The following DARS1 variants were observed in gnomAD, a reference collection of about 807,000 sequenced individuals.
The protein encoded by DARS1 is aspartate--tRNA ligase, cytoplasmic.
A neutral mutation model predicts 68.8 loss-of-function variants in DARS1; 51 were observed. That is an observed-to-expected ratio of 0.74 (90% CI 0.59 to 0.94). The LOEUF (loss-of-function observed/expected upper bound fraction) is 0.94, where lower values mean the gene tolerates loss of function less well. DARS1 is among the 40% of genes least tolerant of loss of function. The probability of loss-of-function intolerance (pLI) is 0.00; values close to 1 mark genes in which losing one functional copy is unlikely to be tolerated. For missense variants in DARS1, 607 were observed against 597.3 expected (o/e 1.02, Z -0.17); for synonymous variants, 203 against 190.4 (o/e 1.07, Z -0.55).
chr2:135,971,668 C>T (rs1682372830), intron 3 of DARS1, among the ~76,000 whole-genome samples: 1 of 151,980 alleles, frequency 6.6e-6, no homozygotes, highest in African/African-American at 2.4e-5. Context: ...TTTGTGGATG[C>T]TATGATCTTA....
At chr2:135,967,243 A>C (rs983049894) in intron 3 of DARS1, among the ~76,000 whole-genome samples, 1 of 152,232 alleles carries the variant, frequency 6.6e-6, no homozygotes, top group African/African-American at 2.4e-5. Flanking sequence ...TTAGGGATTA[A>C]AACAACAAAG....
At chr2:135,935,223 T>C (rs192172862) in intron 5 of DARS1, among the ~76,000 whole-genome samples, 54 of 152,262 alleles carry the variant, frequency 3.5e-4, no homozygotes, top group African/African-American at 1.3e-3. Flanking sequence ...TCTCTCTCAT[T>C]AAACATGTTA....
intron 4 of DARS1, 126 bp from the exon 5 acceptor site, chr2:135,943,606 G>A: frequency 2.8e-6 from 4 of 1,415,468 alleles, no homozygotes; most frequent in Non-Finnish European, 3.7e-6. Context: ...TTGAGATAAA[G>A]CCAGTCTATT....
chr2:135,982,611 A>AG (rs1040461528), intron 2 of DARS1, among the ~76,000 whole-genome samples: 16 of 151,884 alleles, frequency 1.1e-4, no homozygotes, highest in African/African-American at 3.9e-4. Flanking sequence ...AAAAAAAAAA[A>AG]GAAATATAAA....
At chr2:135,914,946 G>T (rs1471251325) in intron 11 of DARS1, 1 of 152,736 alleles carries the variant, frequency 6.5e-6, no homozygotes. Context: ...ATATAAACAC[G>T]TTACATTTCT....
At chr2:135,982,469 G>A (rs893708070) in intron 2 of DARS1, among the ~76,000 whole-genome samples, 4 of 151,902 alleles carry the variant, frequency 2.6e-5, no homozygotes, top group Non-Finnish European at 2.9e-5. Flanking sequence ...GGCGGTGTGC[G>A]CCTGTAGTCC....
rs969795665 is a variant in DARS1 at position 135,916,257 on chromosome 2, C to T, written c.1075G>A (p.Gly359Arg). The T allele has an allele frequency of 6.3e-7, 1 of 1,598,956 alleles. No homozygotes were observed. Among genetic ancestry groups the T allele is most frequent in the Non-Finnish European group, 8.6e-7 (1 of 1,166,350 alleles). ...CEALAMLREAGVEMGDEDDLS... is the reference protein window; with the variant it reads ...CEALAMLREARVEMGDEDDLS... ...TCGTCTTCATCTCCCATTTCGACTCCAGCTTCCCTAAGCATAGCCAATGCT... is the reference window on the plus strand; with the variant it reads ...TCGTCTTCATCTCCCATTTCGACTCTAGCTTCCCTAAGCATAGCCAATGCT... Residue 359 changes from glycine (G) to arginine (R), a missense_variant, in exon 11 of 16, where the codon GGA becomes AGA. Gly to Arg is a moderately radical substitution (Grantham distance 125). Transcript: ENST00000264161.
At chr2:135,946,388 T>C (rs1326527502) in intron 4 of DARS1, among the ~76,000 whole-genome samples, 2 of 152,202 alleles carry the variant, frequency 1.3e-5, no homozygotes, top group African/African-American at 4.8e-5. Flanking sequence ...ATAGGTGATA[T>C]GTAACCTTCT....
At chr2:135,985,366 G>T (rs770191951) in intron 1 of DARS1, 37 bp downstream of exon 1, 1 of 1,609,504 alleles carries the variant, frequency 6.2e-7, no homozygotes. Context: ...CGGCCCAGGG[G>T]TCTGTCCTCC....
At chr2:135,980,849 G>C (rs1226311255) in intron 2 of DARS1, among the ~76,000 whole-genome samples, 1 of 152,236 alleles carries the variant, frequency 6.6e-6, no homozygotes, top group East Asian at 1.9e-4. Flanking sequence ...AGAAGAAAAA[G>C]GGTAATGGCT....
intron 3 of DARS1, among the ~76,000 whole-genome samples, chr2:135,978,154 A>AG (rs2104848211): frequency 6.6e-6 from 1 of 150,982 alleles, no homozygotes; most frequent in East Asian, 1.9e-4. Flanking sequence ...AAAAAAAAAA[A>AG]AAAAAAAAAA....
In DARS1 at chr2:135,974,803, C is replaced by T. The variant is rs536248311; in HGVS notation, c.217+4471G>A. Among the ~76,000 whole-genome samples the T allele has an allele frequency of 2.0e-5, 3 of 152,222 alleles. No homozygotes were observed. The East Asian group carries it at 5.8e-4, about 29-fold the overall frequency. ...TAATGCCTCTCTTCGCCTCAAAAAA[C>T]TGAAATGCAAACAGACTTGGAGAAA... is the stretch of plus-strand genomic sequence containing the variant. On this transcript the variant is annotated intron_variant, in intron 3 of 15. Coordinates refer to ENST00000264161, the MANE Select transcript of DARS1 (RefSeq NM_001349.4).
chr2:135,939,433 C>T (rs569842276), intron 5 of DARS1, among the ~76,000 whole-genome samples: 6 of 152,200 alleles, frequency 3.9e-5, no homozygotes, highest in Admixed American at 2.6e-4. Context: ...GAAATGAAGG[C>T]GGAAATAAAG....
chr2:135,965,712 C>G (rs928949551), intron 3 of DARS1, among the ~76,000 whole-genome samples: 2 of 152,150 alleles, frequency 1.3e-5, no homozygotes, highest in Non-Finnish European at 2.9e-5. Flanking sequence ...ATCTTTGACT[C>G]AATAAATACA....
chr2:135,907,830 T>TC (rs1173027148), intron 15 of DARS1, among the ~76,000 whole-genome samples: 1 of 152,210 alleles, frequency 6.6e-6, no homozygotes, highest in Admixed American at 6.5e-5. Context: ...AATTTACTGT[T>TC]AATTTTATAG....
intron 3 of DARS1, 135 bp downstream of exon 3, chr2:135,979,139 A>T: frequency 1.6e-6 from 1 of 620,772 alleles, no homozygotes; most frequent in Non-Finnish European, 2.9e-6. Context: ...TTAATACTTT[A>T]CAGTGACTTT....
chr2:135,906,055 T>G lies in DARS1; in HGVS notation c.*1261A>C, dbSNP rs1218303578. 2.0e-5 allele frequency among the ~76,000 whole-genome samples: 3 copies of G among 152,196 alleles called. No homozygotes were observed. The highest frequency in any genetic ancestry group is 6.5e-5 in the Admixed American group (1 of 15,282). ...AAATACTTTTGGGGTGCCTTCTATA[T>G]TTAAGGTATTCTGGTAGGATATGAA... On this transcript the variant is annotated 3_prime_UTR_variant, in exon 16 of 16. Transcript: ENST00000264161.
chr2:135,949,447 G>A (rs924141397), intron 4 of DARS1, among the ~76,000 whole-genome samples: 5 of 152,046 alleles, frequency 3.3e-5, no homozygotes, highest in African/African-American at 1.2e-4. Context: ...AAAGAATAAA[G>A]GGATAATATC....
intron 4 of DARS1, among the ~76,000 whole-genome samples, chr2:135,945,396 G>A (rs1681698564): frequency 6.6e-6 from 1 of 152,168 alleles, no homozygotes; most frequent in African/African-American, 2.4e-5. Flanking sequence ...CCAAACTGCT[G>A]GGATTACAGG....
Sources: gnomAD v4.1 joint callset for allele counts (sites outside exome capture counted in the v4.1 genomes callset) on GRCh38, gnomAD v4.1.1 for gene constraint, MANE v1.5 for transcripts, NCBI Gene and HGNC (gene_info 2026-07-23, HGNC 2026-07-21) for gene names.